MALRD1: variants seen among roughly 807,000 people sequenced by gnomAD.
The protein encoded by MALRD1 is MAM and LDL-receptor class A domain-containing protein 1.
Under a neutral mutation model 242.1 loss-of-function variants are expected in MALRD1, and 247 were observed. That is an observed-to-expected ratio of 1.02 (90% CI 0.92 to 1.13). The LOEUF is 1.13. MALRD1 is among the 50% of genes most tolerant of loss of function. The pLI, the probability that MALRD1 is intolerant of heterozygous loss-of-function variation, is 0.00. For synonymous variants in MALRD1, 995 were observed against 866.6 expected (o/e 1.15, Z -2.60); for missense variants, 2,989 against 2,533.1 (o/e 1.18, Z -3.86).
At chr10:19,547,977 T>G (rs1184421592) in intron 32 of MALRD1, among the ~76,000 whole-genome samples, 1 of 145,168 alleles carries the variant, frequency 6.9e-6, no homozygotes, top group Non-Finnish European at 1.5e-5. Flanking sequence ...TTTCAAGCTT[T>G]TCTCTTATCA....
At chr10:19,427,981 A>G (rs951290886) in intron 28 of MALRD1, among the ~76,000 whole-genome samples, 1 of 152,122 alleles carries the variant, frequency 6.6e-6, no homozygotes, top group African/African-American at 2.4e-5. Context: ...AATTGCATAC[A>G]CTAATTTCCT....
At chr10:19,302,557 A>G (rs1414172370) in intron 21 of MALRD1, among the ~76,000 whole-genome samples, 1 of 151,804 alleles carries the variant, frequency 6.6e-6, no homozygotes, top group Non-Finnish European at 1.5e-5. Context: ...TTTTTATTGC[A>G]TTGATATGAA....
rs1254775928 is a variant in MALRD1, at chr10:19,692,867, T to TTATATATATATATATATATATATATA, written c.6314+333_6314+334insTATATATATATATATATATATATATA. On this transcript the variant is annotated intron_variant, in intron 38 of 39. Transcript: ENST00000454679. The stretch of plus-strand genomic sequence containing the variant: ...ATATGAAATTTATATATAGATGAAA[T>TTATATATATATATATATATATATATA]TATATATATATATATATATAATTTC... Among the ~76,000 whole-genome samples the TTATATATATATATATATATATATATA allele has an allele frequency of 3.0e-3, 88 of 29,608 alleles. 1 individual carries two copies. The highest frequency in any genetic ancestry group is 9.2e-3 in the African/African-American group (83 of 8,984). 19.4% of individuals were successfully genotyped at this position (29,608 alleles called of 152,430 possible). A position where few individuals can be genotyped will look rare whatever the true frequency, so the allele number is the denominator to read the frequency against.
At chr10:19,453,394 T>C (rs866723123) in intron 29 of MALRD1, among the ~76,000 whole-genome samples, 12 of 152,164 alleles carry the variant, frequency 7.9e-5, no homozygotes, top group Non-Finnish European at 5.9e-5. Context: ...CTAATTGATA[T>C]TGGGTTTCTT....
chr10:19,374,254 C>T (rs1168878550), intron 26 of MALRD1, among the ~76,000 whole-genome samples: 13 of 152,128 alleles, frequency 8.5e-5, no homozygotes, highest in African/African-American at 2.7e-4. Flanking sequence ...ATACATAGAA[C>T]ATTTTAATAT....
chr10:19,287,171 C>T (rs932243180), intron 21 of MALRD1, among the ~76,000 whole-genome samples: 1 of 152,042 alleles, frequency 6.6e-6, no homozygotes, highest in Non-Finnish European at 1.5e-5. Context: ...GCTGTCATTC[C>T]TTCAGTAATA....
rs1564554191 is a variant in MALRD1 at position 19,315,023 on chromosome 10, A to ATAAATATAATTTATATAAATATG, written c.3420-8887_3420-8865dup. ...AAATTTATATAATTTATATAAATAT[A>ATAAATATAATTTATATAAATATG]TAAATATAATTTATATAAATATGTA... is the stretch of plus-strand genomic sequence containing the variant. On this transcript the variant is annotated intron_variant, in intron 21 of 39. Coordinates refer to ENST00000454679, the MANE Select transcript of MALRD1 (RefSeq NM_001142308.3). 3.1e-3 allele frequency among the ~76,000 whole-genome samples: 427 copies of ATAAATATAATTTATATAAATATG among 137,624 alleles called. 1 individual carries two copies. Among genetic ancestry groups the ATAAATATAATTTATATAAATATG allele is most frequent in the East Asian group, 5.3e-3 (26 of 4,938 alleles). 90.3% of individuals were successfully genotyped at this position (137,624 alleles called of 152,430 possible). A position where few individuals can be genotyped will look rare whatever the true frequency, so the allele number is the denominator to read the frequency against.
chr10:19,416,638 A>G (rs1055424833), intron 28 of MALRD1, among the ~76,000 whole-genome samples: 2 of 151,776 alleles, frequency 1.3e-5, no homozygotes, highest in African/African-American at 2.4e-5. Flanking sequence ...GTACCTCTCT[A>G]TTTACTATCC....
In MALRD1 at chr10:19,140,886, T is replaced by C. The variant is rs187449098; in HGVS notation, c.1411+4105T>C. 3.9e-3 allele frequency among the ~76,000 whole-genome samples: 601 copies of C among 152,230 alleles called. 2 individuals are homozygous for C. Among genetic ancestry groups the C allele is most frequent in the African/African-American group, 0.014 (566 of 41,542 alleles). On this transcript the variant is annotated intron_variant, in intron 10 of 39. Transcript: ENST00000454679. Reference sequence around the variant, plus strand: ...CTAGTGTACAGCCTGGTGACTATAGTTAGTAACACTGTATTGTATACTTGA... The same window carrying C: ...CTAGTGTACAGCCTGGTGACTATAGCTAGTAACACTGTATTGTATACTTGA...
intron 33 of MALRD1, among the ~76,000 whole-genome samples, chr10:19,579,174 A>G (rs1387806147): frequency 1.3e-5 from 2 of 152,198 alleles, no homozygotes; most frequent in Non-Finnish European, 2.9e-5. Context: ...ATGGTATCAC[A>G]GCCACTTGTT....
At chr10:19,171,013 T>C (rs1052515133) in intron 13 of MALRD1, among the ~76,000 whole-genome samples, 1 of 152,146 alleles carries the variant, frequency 6.6e-6, no homozygotes, top group African/African-American at 2.4e-5. Flanking sequence ...ATATTCATTT[T>C]TTGCTCCCGT....
At chr10:19,446,849 C>G (rs1421551614) in intron 28 of MALRD1, among the ~76,000 whole-genome samples, 2 of 152,094 alleles carry the variant, frequency 1.3e-5, no homozygotes, top group Non-Finnish European at 2.9e-5. Flanking sequence ...AGATTAAAAT[C>G]TGTATATATA....
intron 21 of MALRD1, among the ~76,000 whole-genome samples, chr10:19,320,523 A>G (rs952111345): frequency 6.6e-6 from 1 of 152,192 alleles, no homozygotes; most frequent in Non-Finnish European, 1.5e-5. Context: ...TAGTGCTGCA[A>G]TAAACATACA....
At chr10:19,262,745 A>G (rs1040307448) in intron 19 of MALRD1, among the ~76,000 whole-genome samples, 1 of 151,754 alleles carries the variant, frequency 6.6e-6, no homozygotes. Flanking sequence ...AACAGAACTT[A>G]TTCTTCGGAT....
intron 24 of MALRD1, among the ~76,000 whole-genome samples, chr10:19,340,033 C>T (rs1250520100): frequency 7.9e-5 from 12 of 152,098 alleles, no homozygotes. Context: ...GTCATAAGAA[C>T]AGCATGAGGG....
chr10:19,286,797 G>A (rs1841147490), intron 21 of MALRD1, among the ~76,000 whole-genome samples: 1 of 151,208 alleles, frequency 6.6e-6, no homozygotes. Context: ...AGAAAAGGAG[G>A]GAATCCTCCC....
intron 10 of MALRD1, among the ~76,000 whole-genome samples, chr10:19,142,188 A>G (rs1055040424): frequency 2.7e-5 from 4 of 150,762 alleles, no homozygotes; most frequent in Non-Finnish European, 5.9e-5. Context: ...AAAAAAAAAA[A>G]AAAAAAAAAG....
At chr10:19,569,612 CTCTG>C (rs1293798024) in intron 33 of MALRD1, among the ~76,000 whole-genome samples, 32 of 148,330 alleles carry the variant, frequency 2.2e-4, no homozygotes, top group African/African-American at 6.4e-4. Flanking sequence ...TCATTCTTTG[CTCTG>C]TCTTTTATAT....
At chr10:19,579,537 G>C (rs1017530498) in intron 33 of MALRD1, among the ~76,000 whole-genome samples, 1 of 152,128 alleles carries the variant, frequency 6.6e-6, no homozygotes, top group Non-Finnish European at 1.5e-5. Context: ...ATTTCTGTGA[G>C]TAACAGCTTT....
Sources: allele counts gnomAD v4.1 joint callset (sites outside exome capture counted in the v4.1 genomes callset), GRCh38; gene constraint gnomAD v4.1.1; transcripts MANE v1.5; gene names NCBI Gene and HGNC (gene_info 2026-07-23, HGNC 2026-07-21).